The following C10orf90 variants were observed in gnomAD, a reference collection of about 807,000 sequenced individuals.
C10orf90 encodes the protein chromosome 10 open reading frame 90.
A neutral mutation model predicts 62.5 loss-of-function variants in C10orf90; 56 were observed. The observed-to-expected ratio is 0.90, with a 90% CI of 0.72 to 1.12. The LOEUF is 1.12. C10orf90 is among the 50% of genes most tolerant of loss of function. The pLI is 0.00. For synonymous variants in C10orf90, 386 were observed against 340.4 expected, an observed-to-expected ratio of 1.13 and a Z score of -1.47; for missense variants, 970 against 880.4, an observed-to-expected ratio of 1.10 and a Z score of -1.29.
At chr10:126,646,937 G>A (rs1449528385) in intron 1 of C10orf90, among the ~76,000 whole-genome samples, 1 of 152,162 alleles carries the variant, frequency 6.6e-6, no homozygotes, top group African/African-American at 2.4e-5. Context: ...GCAGATCAAG[G>A]AACCACATCT....
chr10:126,629,715 C>T (rs1845814845), intron 2 of C10orf90, among the ~76,000 whole-genome samples: 1 of 152,200 alleles, frequency 6.6e-6, no homozygotes, highest in African/African-American at 2.4e-5. Flanking sequence ...AATAATATGG[C>T]CATGAATGTT....
chr10:126,585,414 A>T, intron 2 of C10orf90, among the ~76,000 whole-genome samples: 1 of 150,360 alleles, frequency 6.7e-6, no homozygotes, highest in East Asian at 2.0e-4. Context: ...GGAGGGAAGA[A>T]GGGAGGGAGA....
At chr10:126,564,652 C>T (rs1001716404) in intron 2 of C10orf90, among the ~76,000 whole-genome samples, 6 of 148,276 alleles carry the variant, frequency 4.0e-5, no homozygotes, top group Non-Finnish European at 8.9e-5. Context: ...CCTTGCTCCA[C>T]AGCCACCCAG....
chr10:126,522,441 A>G (rs1863788186), intron 2 of C10orf90, among the ~76,000 whole-genome samples: 1 of 152,242 alleles, frequency 6.6e-6, no homozygotes, highest in African/African-American at 2.4e-5. Flanking sequence ...CTCCTGGGAT[A>G]AAGCCTCAGT....
At chr10:126,651,034 C>A (rs116248619) in intron 1 of C10orf90, among the ~76,000 whole-genome samples, 1 of 152,158 alleles carries the variant, frequency 6.6e-6, no homozygotes, top group African/African-American at 2.4e-5. Context: ...AGCAGTGCTC[C>A]CATGAGCTTT....
chr10:126,509,758 G>C (rs896116182), intron 3 of C10orf90, among the ~76,000 whole-genome samples: 1 of 152,142 alleles, frequency 6.6e-6, no homozygotes, highest in Non-Finnish European at 1.5e-5. Context: ...TAAAACACAG[G>C]ACACTCTTGT....
At chr10:126,567,870 C>CG (rs1844425467) in intron 2 of C10orf90, among the ~76,000 whole-genome samples, 1 of 151,820 alleles carries the variant, frequency 6.6e-6, no homozygotes, top group African/African-American at 2.4e-5. Context: ...GGAGGAGTGA[C>CG]TAGGGAAAGA....
chr10:126,462,395 T>C (rs1429072521), intron 5 of C10orf90, among the ~76,000 whole-genome samples: 3 of 152,072 alleles, frequency 2.0e-5, no homozygotes, highest in Admixed American at 6.5e-5. Context: ...CCTATCTCCA[T>C]AAAGCCCCTT....
intron 2 of C10orf90, chr10:126,524,623 A>G (rs1863878939): frequency 2.0e-6 from 2 of 985,430 alleles, no homozygotes; most frequent in African/African-American, 3.5e-5. Flanking sequence ...ATATGCTGGG[A>G]GGGGTCCAGA....
chr10:126,636,607 A>G (rs1412222446), intron 2 of C10orf90, among the ~76,000 whole-genome samples: 1 of 152,192 alleles, frequency 6.6e-6, no homozygotes, highest in African/African-American at 2.4e-5. Context: ...GCTTCCAGAT[A>G]AATATTCCTT....
chr10:126,584,303 C>T lies in C10orf90; in HGVS notation c.313+62262G>A, dbSNP rs796727283. 4.6e-5 allele frequency among the ~76,000 whole-genome samples: 7 copies of T among 151,824 alleles called. 1 individual carries two copies. The highest frequency in any genetic ancestry group is 1.4e-4 in the African/African-American group (6 of 41,420). ...CTGCCTGTCCATCCATCTGCCTTTC[C>T]ACCTGCTCGTCCATCTGCCTGTCTG... On this transcript the variant is annotated intron_variant, in intron 2 of 9. Coordinates refer to ENST00000488181, the MANE Select transcript of C10orf90 (RefSeq NM_001350921.2).
chr10:126,526,879 C>T (rs866621744), intron 2 of C10orf90, among the ~76,000 whole-genome samples: 21 of 152,194 alleles, frequency 1.4e-4, no homozygotes, highest in Non-Finnish European at 1.5e-4. Flanking sequence ...TTCATCTATG[C>T]TATAACACGT....
intron 7 of C10orf90, among the ~76,000 whole-genome samples, chr10:126,435,503 T>C (rs1423847484): frequency 6.6e-6 from 1 of 152,052 alleles, no homozygotes; most frequent in African/African-American, 2.4e-5. Flanking sequence ...TCTGCACCCT[T>C]GGTGGGGAGG....
At chr10:126,662,551 A>G (rs1409488336) in intron 1 of C10orf90, among the ~76,000 whole-genome samples, 1 of 152,086 alleles carries the variant, frequency 6.6e-6, no homozygotes, top group African/African-American at 2.4e-5. Flanking sequence ...GCTCAGAGAG[A>G]CTACTGGGTT....
chr10:126,485,202 C>T lies in C10orf90; in HGVS notation c.1534+18755G>A, dbSNP rs781094553. On this transcript the variant is annotated intron_variant, in intron 4 of 9. Transcript: ENST00000488181. ...GCTCACTTTCTACAATGTGAGGACACGACAAAAACTCAACAGTCCACAATA... is the reference window on the plus strand; with the variant it reads ...GCTCACTTTCTACAATGTGAGGACATGACAAAAACTCAACAGTCCACAATA... 1.2e-4 allele frequency among the ~76,000 whole-genome samples: 19 copies of T among 152,146 alleles called. No homozygotes were observed. The East Asian group carries it at 1.4e-3, about 11-fold the overall frequency.
At chr10:126,547,020 G>A (rs1159100151) in intron 2 of C10orf90, among the ~76,000 whole-genome samples, 2 of 152,192 alleles carry the variant, frequency 1.3e-5, no homozygotes, top group African/African-American at 4.8e-5. Context: ...CAGCTACTCA[G>A]GAGGCTGAGG....
chr10:126,635,597 C>T lies in C10orf90; in HGVS notation c.313+10968G>A, dbSNP rs1301800795. 2.0e-5 allele frequency among the ~76,000 whole-genome samples: 3 copies of T among 152,172 alleles called. No homozygotes were observed. The East Asian group carries it at 5.8e-4, about 29-fold the overall frequency. On this transcript the variant is annotated intron_variant, in intron 2 of 9. Transcript: ENST00000488181. ...GCTCCAGATTAACGAGATGCAATCT[C>T]AATATTCAATGAGAAAGCAATCAGT...
At chr10:126,606,683 G>A (rs956414267) in intron 2 of C10orf90, among the ~76,000 whole-genome samples, 1 of 152,170 alleles carries the variant, frequency 6.6e-6, no homozygotes, top group African/African-American at 2.4e-5. Context: ...TAGAAATGGG[G>A]AGTGGGGCCC....
chr10:126,468,079 CTT>C (rs553157307), intron 4 of C10orf90, among the ~76,000 whole-genome samples: 4,170 of 142,796 alleles, frequency 0.029, 206 homozygotes, highest in African/African-American at 0.1. Flanking sequence ...ACAAAGCTAG[CTT>C]TTTTTTTTTT....
Sources: gnomAD v4.1 joint callset for allele counts (sites outside exome capture counted in the v4.1 genomes callset) on GRCh38, gnomAD v4.1.1 for gene constraint, MANE v1.5 for transcripts, NCBI Gene and HGNC (gene_info 2026-07-23, HGNC 2026-07-21) for gene names.